Variants in ATRNL1 observed in about 807,000 individuals in gnomAD.
ATRNL1 encodes the protein attractin like 1, also known as attractin-like protein 1.
ATRNL1 carries 95 observed loss-of-function variants against 182.7 expected under a neutral mutation model. The ratio of observed to expected loss-of-function variants is 0.52; its 90% CI spans 0.44 to 0.62. The LOEUF (loss-of-function observed/expected upper bound fraction) is 0.62. ATRNL1 is among the 20% of genes least tolerant of loss of function. The pLI, the probability that ATRNL1 is intolerant of heterozygous loss-of-function variation, is 0.00. For synonymous variants in ATRNL1, 576 were observed against 568.3 expected, an observed-to-expected ratio of 1.01 and a Z score of -0.19; for missense variants, 1,471 against 1,679.5, an observed-to-expected ratio of 0.88 and a Z score of 2.17.
At chr10:115,889,626 A>G (rs144089708) in intron 28 of ATRNL1, among the ~76,000 whole-genome samples, 26 of 152,320 alleles carry the variant, frequency 1.7e-4, no homozygotes, top group South Asian at 1.2e-3. Flanking sequence ...TCTTTCAGCA[A>G]TTCTGCAGTA....
At chr10:115,525,723 G>A (rs1268396747) in intron 25 of ATRNL1, among the ~76,000 whole-genome samples, 2 of 151,932 alleles carry the variant, frequency 1.3e-5, no homozygotes, top group African/African-American at 2.4e-5. Flanking sequence ...AGGCTTCTAC[G>A]AGTCACTCTA....
intron 21 of ATRNL1, among the ~76,000 whole-genome samples, chr10:115,448,875 A>G (rs1429341067): frequency 3.9e-5 from 6 of 152,164 alleles, no homozygotes; most frequent in Admixed American, 1.3e-4. Context: ...AACAACAACA[A>G]CAACAACAAC....
At chr10:115,679,051 G>A (rs10787586) in intron 26 of ATRNL1, among the ~76,000 whole-genome samples, 53,160 of 151,940 alleles carry the variant, frequency 0.35, 10,086 homozygotes, top group East Asian at 0.57. Flanking sequence ...CTGTGCAGTA[G>A]TTGTAAAAGT....
intron 20 of ATRNL1, among the ~76,000 whole-genome samples, chr10:115,415,504 C>CTT (rs782767524): frequency 6.9e-6 from 1 of 144,026 alleles, no homozygotes; most frequent in Non-Finnish European, 1.5e-5. Context: ...ACTAATTGCA[C>CTT]TTTTTTTTTT....
intron 26 of ATRNL1, among the ~76,000 whole-genome samples, chr10:115,660,503 TAAAGC>T (rs1276205959): frequency 6.6e-6 from 1 of 152,030 alleles, no homozygotes; most frequent in Non-Finnish European, 1.5e-5. Context: ...AGCTGACCAT[TAAAGC>T]AAAGGAGATA....
At chr10:115,656,901 A>G (rs1860368488) in intron 26 of ATRNL1, among the ~76,000 whole-genome samples, 1 of 151,792 alleles carries the variant, frequency 6.6e-6, no homozygotes, top group Admixed American at 6.6e-5. Context: ...TGTTTTAATT[A>G]CTCCTTCTTA....
chr10:115,097,940 A>AAAC (rs1237452934), intron 1 of ATRNL1, among the ~76,000 whole-genome samples: 1 of 152,190 alleles, frequency 6.6e-6, no homozygotes, highest in Non-Finnish European at 1.5e-5. Context: ...AAACAAAAAT[A>AAAC]AACAACAACA....
At chr10:115,245,544 G>T (rs1850598824) in intron 10 of ATRNL1, among the ~76,000 whole-genome samples, 1 of 147,808 alleles carries the variant, frequency 6.8e-6, no homozygotes, top group South Asian at 2.1e-4. Context: ...AATTAATGAA[G>T]CCTGGGATAC....
chr10:115,735,366 G>A (rs993275584), intron 27 of ATRNL1, among the ~76,000 whole-genome samples: 3 of 152,120 alleles, frequency 2.0e-5, no homozygotes, highest in Non-Finnish European at 2.9e-5. Context: ...TTGTGTTCAC[G>A]TGAAAATTGT....
intron 27 of ATRNL1, among the ~76,000 whole-genome samples, chr10:115,840,794 T>C (rs1355358826): frequency 1.3e-5 from 2 of 151,890 alleles, no homozygotes; most frequent in African/African-American, 4.8e-5. Context: ...TAAGCCAATA[T>C]AGCAGGAATG....
chr10:115,512,253 T>G (rs921090907), intron 24 of ATRNL1, among the ~76,000 whole-genome samples: 27 of 151,898 alleles, frequency 1.8e-4, no homozygotes, highest in Non-Finnish European at 2.9e-5. Context: ...AAATACAAAT[T>G]TAGAATATTG....
At chr10:115,100,370 C>A (rs1049306353) in intron 1 of ATRNL1, among the ~76,000 whole-genome samples, 12 of 148,642 alleles carry the variant, frequency 8.1e-5, no homozygotes, top group African/African-American at 2.9e-4. Context: ...CATTTTTTTT[C>A]TCTAGAAGTT....
chr10:115,458,073 A>G (rs1847614898), intron 21 of ATRNL1, among the ~76,000 whole-genome samples: 1 of 152,164 alleles, frequency 6.6e-6, no homozygotes, highest in South Asian at 2.1e-4. Flanking sequence ...TTAATGCAGC[A>G]TAAAAATTTA....
At chr10:115,682,734 C>T (rs1039799970) in intron 26 of ATRNL1, among the ~76,000 whole-genome samples, 1 of 152,092 alleles carries the variant, frequency 6.6e-6, no homozygotes, top group Non-Finnish European at 1.5e-5. Context: ...CCTTTATGCT[C>T]TTGTGCTCCC....
chr10:115,318,322 T>G (rs1443343053), intron 18 of ATRNL1, among the ~76,000 whole-genome samples: 2 of 152,208 alleles, frequency 1.3e-5, no homozygotes, highest in Non-Finnish European at 2.9e-5. Flanking sequence ...CACATCGATA[T>G]TCATCAGGGA....
In ATRNL1 at chr10:115,171,196, A is replaced by G; in HGVS notation, c.1252A>G (p.Ile418Val). 6.2e-7 allele frequency: 1 copy of G among 1,611,266 alleles called. No homozygotes were observed. Among genetic ancestry groups the G allele is most frequent in the Non-Finnish European group, 8.5e-7 (1 of 1,178,158 alleles). The change falls in exon 8 of 29, where the codon ATT becomes GTT. Residue 418 changes from isoleucine to valine, a missense_variant. Coordinates refer to ENST00000355044, the MANE Select transcript of ATRNL1 (RefSeq NM_207303.4). ...QYAVEGHSAH[I>V]MELDSRDVVM... is the part of the protein sequence containing the mutation. Reference sequence around the variant, plus strand: ...TGCTGTGGAGGGACATTCAGCACATATTATGGAGTTGGATAGTAGAGATGT... The same window carrying G: ...TGCTGTGGAGGGACATTCAGCACATGTTATGGAGTTGGATAGTAGAGATGT...
At chr10:115,620,055 TAAATA>T (rs1857643611) in intron 26 of ATRNL1, among the ~76,000 whole-genome samples, 1 of 152,214 alleles carries the variant, frequency 6.6e-6, no homozygotes, top group Admixed American at 6.5e-5. Flanking sequence ...GGATAACTTA[TAAATA>T]AAAGAGGTTT....
intron 9 of ATRNL1, among the ~76,000 whole-genome samples, chr10:115,223,927 ATATT>A (rs1444517217): frequency 7.9e-5 from 3 of 38,176 alleles, no homozygotes; most frequent in Admixed American, 2.0e-4. Flanking sequence ...ATATATATAT[ATATT>A]TTTTTTTTTT....
chr10:115,834,795 T>A (rs1419021521), intron 27 of ATRNL1, among the ~76,000 whole-genome samples: 2 of 152,198 alleles, frequency 1.3e-5, no homozygotes, highest in African/African-American at 4.8e-5. Flanking sequence ...CTGCTGTGTA[T>A]TTTCTTGCCT....
Sources: gnomAD v4.1 joint callset for allele counts (sites outside exome capture counted in the v4.1 genomes callset) on GRCh38, gnomAD v4.1.1 for gene constraint, MANE v1.5 for transcripts, NCBI Gene and HGNC (gene_info 2026-07-23, HGNC 2026-07-21) for gene names.